Variants in SYN1 observed in about 807,000 individuals in gnomAD.
SYN1 encodes the protein synapsin I, also known as synapsin-1.
A neutral mutation model predicts 44.6 loss-of-function variants in SYN1; 8 were observed. That is an observed-to-expected ratio of 0.18 (90% CI 0.11 to 0.32). SYN1 has a LOEUF of 0.32. SYN1 is among the 10% of genes least tolerant of loss of function. The probability of loss-of-function intolerance (pLI) is 1.00; values close to 1 mark genes in which losing one functional copy is unlikely to be tolerated. For missense variants in SYN1, 451 were observed against 639.4 expected (o/e 0.71, Z 3.18); for synonymous variants, 275 against 280.1 (o/e 0.98, Z 0.18).
At chrX:47,588,496 C>T (rs1270589288) in intron 5 of SYN1, among the ~76,000 whole-genome samples, 3 of 112,092 alleles carry the variant, frequency 2.7e-5, no homozygotes, top group Non-Finnish European at 5.6e-5. Context: ...GTTCTCCTGC[C>T]GACCTGTCTA....
chrX:47,586,579 C>T (rs199775125), intron 5 of SYN1: 644 of 1,210,579 alleles, frequency 5.3e-4, no homozygotes, highest in Middle Eastern at 3.4e-3. Flanking sequence ...TGCTTGTGGA[C>T]GGACCAGCTC....
Position 47,572,792 on chromosome X carries a change from C to T in SYN1, c.*72G>A. ...TGGGTTCTCAAGGGATTTGGAGACTCCAAAAGTGAGAAATGGATTCAGGGC... is the reference window on the plus strand; with the variant it reads ...TGGGTTCTCAAGGGATTTGGAGACTTCAAAAGTGAGAAATGGATTCAGGGC... On this transcript the variant is annotated 3_prime_UTR_variant, in exon 13 of 13. Coordinates refer to ENST00000295987, the MANE Select transcript of SYN1 (RefSeq NM_006950.3). 1.7e-6 allele frequency: 2 copies of T among 1,200,393 alleles called. No individual in the cohort carries two copies. The highest frequency in any genetic ancestry group is 1.7e-5 in the African/African-American group (1 of 57,368).
Position 47,572,160 on chromosome X carries a change from G to A in SYN1, c.*704C>T, listed in dbSNP as rs185676793. On this transcript the variant is annotated 3_prime_UTR_variant, in exon 13 of 13. Transcript: ENST00000295987. ...GGGAAGCGGAGACCACTGGCCTTCC[G>A]TGTGCAAAGGATTCTGGGAAGATGG... 103 of 122,211 alleles carry A rather than the reference G, an allele frequency of 8.4e-4. No homozygotes were observed. Among genetic ancestry groups the A allele is most frequent in the Non-Finnish European group, 1.5e-3 (90 of 59,358 alleles). The allele number at this position is 122,211 out of a possible 1,213,427, so 10.1% of individuals were successfully genotyped here.
chrX:47,618,500 G>A lies in SYN1; in HGVS notation c.377+852C>T, dbSNP rs191485251. ...TGTAGGGAAAGGTCTTTGAGGAGAC[G>A]GTCTGAAGATGAGTCACACAAAGAA... On this transcript the variant is annotated intron_variant, in intron 1 of 12. Transcript: ENST00000295987. 2.3e-3 allele frequency among the ~76,000 whole-genome samples: 256 copies of A among 110,763 alleles called. 1 individual carries two copies. Among genetic ancestry groups the A allele is most frequent in the Non-Finnish European group, 3.9e-3 (204 of 52,706 alleles).
intron 1 of SYN1, among the ~76,000 whole-genome samples, chrX:47,612,176 G>A (rs193296206): frequency 9.0e-6 from 1 of 111,162 alleles, no homozygotes; most frequent in Admixed American, 9.6e-5. Flanking sequence ...CTGAGTGGGA[G>A]GCCCTTGGGG....
chrX:47,610,790 C>G (rs945009541), intron 1 of SYN1, among the ~76,000 whole-genome samples: 5 of 111,288 alleles, frequency 4.5e-5, no homozygotes, highest in African/African-American at 1.6e-4. Flanking sequence ...TGAAGCAGAA[C>G]TTCCATGGCA....
intron 5 of SYN1, among the ~76,000 whole-genome samples, chrX:47,593,071 T>C (rs939211653): frequency 1.8e-5 from 2 of 109,543 alleles, no homozygotes; most frequent in Admixed American, 2.0e-4. Flanking sequence ...TGTTTTGTTT[T>C]TTTGATAGAG....
intron 1 of SYN1, among the ~76,000 whole-genome samples, chrX:47,616,180 G>A (rs1455497782): frequency 9.0e-6 from 1 of 111,107 alleles, no homozygotes; most frequent in South Asian, 3.8e-4. Context: ...TGAGCCTGGC[G>A]TACATACATA....
chrX:47,619,695 T>C lies in SYN1; in HGVS notation c.34A>G (p.Asn12Asp). ...CCATTTGGCAGATTGGCCATAAAGT[T>C]GCTGTCCGACAGGCGGCGCCGCAGG... Reference protein sequence around the residue: ...NYLRRRLSDSNFMANLPNGYM... With the variant: ...NYLRRRLSDSDFMANLPNGYM... The change falls in exon 1 of 13, where the codon AAC becomes GAC. Residue 12 changes from asparagine to aspartate, a missense_variant. Asn to Asp is a conservative substitution (Grantham distance 23, BLOSUM62 1). This residue lies in a region of SYN1 where 315 missense variants were observed against 451.4 expected (regional missense o/e 0.70). Coordinates refer to ENST00000295987, the MANE Select transcript of SYN1 (RefSeq NM_006950.3). The C allele has an allele frequency of 1.7e-6, 2 of 1,170,819 alleles. No homozygotes were observed. Among genetic ancestry groups the C allele is most frequent in the Non-Finnish European group, 2.3e-6 (2 of 874,348 alleles).
intron 5 of SYN1, among the ~76,000 whole-genome samples, chrX:47,602,409 C>T (rs1459280219): frequency 1.8e-5 from 2 of 111,912 alleles, no homozygotes; most frequent in Admixed American, 9.5e-5. Context: ...CCTGTAATCC[C>T]AGCACTTTGG....
At chrX:47,612,231 T>G (rs967007748) in intron 1 of SYN1, among the ~76,000 whole-genome samples, 3 of 110,999 alleles carry the variant, frequency 2.7e-5, no homozygotes, top group African/African-American at 9.9e-5. Flanking sequence ...ATTTTACGCC[T>G]TTTGAGAAAG....
intron 5 of SYN1, among the ~76,000 whole-genome samples, chrX:47,600,894 G>C (rs1409328629): frequency 1.8e-5 from 2 of 111,765 alleles, no homozygotes; most frequent in African/African-American, 6.5e-5. Flanking sequence ...GGTGCTTAAA[G>C]GAGAATTCAT....
rs184232294 is a variant in SYN1 at position 47,612,990 on chromosome X, G to A, written c.378-5792C>T. Among the ~76,000 whole-genome samples, 631 of 110,625 alleles carry A rather than the reference G, an allele frequency of 5.7e-3. 5 individuals are homozygous for A. Among genetic ancestry groups the A allele is most frequent in the South Asian group, 0.029 (74 of 2,576 alleles). On this transcript the variant is annotated intron_variant, in intron 1 of 12. Coordinates refer to ENST00000295987, the MANE Select transcript of SYN1 (RefSeq NM_006950.3). ...TCTACTAAAAATACAAAAATTAGCC[G>A]GGCGTGGTGGCGCACGCCTGTAATC...
Position 47,577,468 on chromosome X carries a change from T to A in SYN1, c.808A>T (p.Met270Leu), listed in dbSNP as rs2057781488. ...CCCATCCCAGAGTGTGCGTGCCCCATCTTCACAACCACGGGGTACGTTGTA... is the reference window on the plus strand; with the variant it reads ...CCCATCCCAGAGTGTGCGTGCCCCAACTTCACAACCACGGGGTACGTTGTA... ...SSTTYPVVVK[M>L]GHAHSGMGKV... is the part of the protein sequence containing the mutation. The change falls in exon 6 of 13, where the codon ATG becomes TTG. Residue 270 changes from methionine (M) to leucine (L), a missense_variant. This residue lies in a region of SYN1 where 315 missense variants were observed against 451.4 expected (regional missense o/e 0.70). Transcript: ENST00000295987. The A allele has an allele frequency of 8.3e-7, 1 of 1,207,280 alleles. No homozygotes were observed. The highest frequency in any genetic ancestry group is 1.7e-5 in the African/African-American group (1 of 57,468).
At chrX:47,593,168 T>G (rs1406274887) in intron 5 of SYN1, among the ~76,000 whole-genome samples, 2 of 111,371 alleles carry the variant, frequency 1.8e-5, no homozygotes, top group African/African-American at 6.5e-5. Flanking sequence ...GTGTTGGGAT[T>G]ACGATGTAAG....
At position 47,609,005 on chromosome X, in the gene SYN1, G is replaced by GACACACACACACACAC. The variant is rs757667668; in HGVS notation, c.378-1823_378-1808dup. On this transcript the variant is annotated intron_variant, in intron 1 of 12. Coordinates refer to ENST00000295987, the MANE Select transcript of SYN1 (RefSeq NM_006950.3). ...ACTTCTTTTTCCTTGCTCTCTCTCT[G>GACACACACACACACAC]ACACACACACACACACACACACACA... 7.7e-3 allele frequency among the ~76,000 whole-genome samples: 669 copies of GACACACACACACACAC among 87,375 alleles called. 7 individuals carry two copies. The highest frequency in any genetic ancestry group is 0.01 in the Non-Finnish European group (441 of 43,691). The allele number at this position is 87,375 out of a possible 115,157, so 75.9% of individuals were successfully genotyped here.
chrX:47,607,116 C>A, intron 2 of SYN1, 25 bp downstream of exon 2: 1 of 1,208,990 alleles, frequency 8.3e-7, no homozygotes, highest in Non-Finnish European at 1.1e-6. Flanking sequence ...ACAACTGACC[C>A]CCAGGTCCAA....
rs918087986 is a variant in SYN1, at chrX:47,597,284, G to A, written c.774+7694C>T. Among the ~76,000 whole-genome samples, 4 of 106,827 alleles carry A rather than the reference G, an allele frequency of 3.7e-5. No individual in the cohort carries two copies. The South Asian group carries it at 1.3e-3, about 34-fold the overall frequency. The allele number at this position is 106,827 out of a possible 115,157, so 92.8% of individuals were successfully genotyped here. A position where few individuals can be genotyped will look rare whatever the true frequency, so the allele number is the denominator to read the frequency against. On this transcript the variant is annotated intron_variant, in intron 5 of 12. Transcript: ENST00000295987. ...TGGGAGGTGGAGGTTGCAGTGAGCC[G>A]AGATTGTGCCATTGCACTCTAGCCT...
At chrX:47,615,742 G>A (rs747330275) in intron 1 of SYN1, among the ~76,000 whole-genome samples, 16 of 110,802 alleles carry the variant, frequency 1.4e-4, no homozygotes, top group South Asian at 3.8e-4. Context: ...CCATCTCTAC[G>A]AAAAATACAA....
Sources: allele counts gnomAD v4.1 joint callset (sites outside exome capture counted in the v4.1 genomes callset), GRCh38; gene constraint gnomAD v4.1.1; regional missense constraint gnomAD v4.1.1; transcripts MANE v1.5; gene names NCBI Gene and HGNC (gene_info 2026-07-23, HGNC 2026-07-21).